The following ZNF704 variants were observed in gnomAD, a reference collection of about 807,000 sequenced individuals.
The protein encoded by ZNF704 is zinc finger protein 704, also known as glucocorticoid induced gene 1.
Under a neutral mutation model 44.7 loss-of-function variants are expected in ZNF704, and 10 were observed. The observed-to-expected ratio is 0.22, with a 90% CI of 0.14 to 0.38. The LOEUF (loss-of-function observed/expected upper bound fraction) is 0.38, where lower values mean the gene tolerates loss of function less well. Among genes scored for constraint, ZNF704 ranks in the 10% least tolerant of loss-of-function variants. The pLI is 1.00. For missense variants in ZNF704, 390 were observed against 545.5 expected, an observed-to-expected ratio of 0.71 and a Z score of 2.84; for synonymous variants, 211 against 207.6, an observed-to-expected ratio of 1.02 and a Z score of -0.14.
At chr8:80,861,991 CTTTTTTTTTTTT>C (rs71266093) in intron 1 of ZNF704, among the ~76,000 whole-genome samples, 25 of 92,994 alleles carry the variant, frequency 2.7e-4, no homozygotes, top group Admixed American at 3.5e-4. Context: ...AAAAAATAAC[CTTTTTTTTTTTT>C]TTTTTTTTTT....
Position 80,822,357 on chromosome 8 carries a change from T to C in ZNF704, c.-21-742A>G, listed in dbSNP as rs774366750. Among the ~76,000 whole-genome samples the C allele has an allele frequency of 3.3e-5, 5 of 149,794 alleles. No homozygotes were observed. In the Admixed American group the frequency reaches 3.4e-4, roughly 10 times the overall value. The stretch of plus-strand genomic sequence containing the variant: ...TCATTGTTTAATTCGCACCTATGAG[T>C]GAGAACATGTGATGAACTCATCCTT... On this transcript the variant is annotated intron_variant, in intron 1 of 8. Transcript: ENST00000327835.
Position 80,872,929 on chromosome 8 carries a change from C to CG in ZNF704, c.-22+1641dup, listed in dbSNP as rs1246568390. ...GATGTCGAGTGGAAACACGGGAGGG[C>CG]GAGGGTCAATGCCAAAAACTGCTAG... is the stretch of plus-strand genomic sequence containing the variant. On this transcript the variant is annotated intron_variant, in intron 1 of 8. Transcript: ENST00000327835. Among the ~76,000 whole-genome samples, 5 of 151,944 alleles carry CG rather than the reference C, an allele frequency of 3.3e-5. No homozygotes were observed. In the East Asian group the frequency reaches 9.6e-4, roughly 29 times the overall value.
intron 1 of ZNF704, among the ~76,000 whole-genome samples, chr8:80,853,351 G>A (rs1281010817): frequency 6.6e-6 from 1 of 152,218 alleles, no homozygotes; most frequent in African/African-American, 2.4e-5. Flanking sequence ...CTGGGCTACA[G>A]AGCAAGATAC....
intron 2 of ZNF704, among the ~76,000 whole-genome samples, chr8:80,778,398 A>G (rs1807451140): frequency 6.6e-6 from 1 of 152,214 alleles, no homozygotes; most frequent in African/African-American, 2.4e-5. Flanking sequence ...CACTTAATAC[A>G]TTGTTGGTGA....
chr8:80,664,704 T>C (rs1818161044), intron 6 of ZNF704, 111 bp downstream of exon 6: 1 of 1,317,724 alleles, frequency 7.6e-7, no homozygotes, highest in Non-Finnish European at 1.1e-6. Flanking sequence ...GCTACCGGGC[T>C]GCCGTGTGTG....
At chr8:80,823,505 C>G (rs959616586) in intron 1 of ZNF704, among the ~76,000 whole-genome samples, 4 of 152,250 alleles carry the variant, frequency 2.6e-5, no homozygotes, top group Admixed American at 2.6e-4. Context: ...TAGGGCACAG[C>G]TGAACAAAAG....
Position 80,631,356 on chromosome 8 carries a change from C to T in ZNF704, c.*10010G>A, listed in dbSNP as rs746488373. On this transcript the variant is annotated 3_prime_UTR_variant, in exon 9 of 9. Transcript: ENST00000327835. ...AAGGGGGCTCCAGTGGAGTGAGGGACAAGTGCTTAACAACATGAGTGGACT... is the reference window on the plus strand; with the variant it reads ...AAGGGGGCTCCAGTGGAGTGAGGGATAAGTGCTTAACAACATGAGTGGACT... The T allele has an allele frequency of 2.0e-5, 3 of 152,138 alleles. No homozygotes were observed. The highest frequency in any genetic ancestry group is 2.9e-5 in the Non-Finnish European group (2 of 68,032). The allele number at this position is 152,138 out of a possible 1,614,324, so 9.4% of individuals were successfully genotyped here. A position where few individuals can be genotyped will look rare whatever the true frequency, so the allele number is the denominator to read the frequency against.
chr8:80,668,022 G>A (rs1818222532), intron 5 of ZNF704, among the ~76,000 whole-genome samples: 1 of 152,202 alleles, frequency 6.6e-6, no homozygotes, highest in South Asian at 2.1e-4. Flanking sequence ...CCATCACCAG[G>A]AAAAGTAGCT....
chr8:80,875,246 G>C (rs992060433), upstream of ZNF704, among the ~76,000 whole-genome samples: 4 of 151,684 alleles, frequency 2.6e-5, no homozygotes, highest in African/African-American at 9.7e-5. Flanking sequence ...CTATTGCGTG[G>C]GGTTAGGCTA....
chr8:80,751,261 G>A (rs760746405), intron 2 of ZNF704, among the ~76,000 whole-genome samples: 3 of 152,186 alleles, frequency 2.0e-5, no homozygotes, highest in East Asian at 1.9e-4. Flanking sequence ...CTGGGCCAGC[G>A]TGCTGGTTCT....
Position 80,640,174 on chromosome 8 carries a change from C to T in ZNF704, c.*1192G>A, listed in dbSNP as rs148422583. On this transcript the variant is annotated 3_prime_UTR_variant, in exon 9 of 9. Transcript: ENST00000327835. ...AGCTCCAATATTTTTATAAGAAAAACTTAAAGTTTGGACCTTCCATTTACT... is the reference window on the plus strand; with the variant it reads ...AGCTCCAATATTTTTATAAGAAAAATTTAAAGTTTGGACCTTCCATTTACT... 26 of 152,708 alleles carry T rather than the reference C, an allele frequency of 1.7e-4. No individual in the cohort carries two copies. Among genetic ancestry groups the T allele is most frequent in the African/African-American group, 6.0e-4 (25 of 41,558 alleles). The allele number at this position is 152,708 out of a possible 1,614,324, so 9.5% of individuals were successfully genotyped here. A position where few individuals can be genotyped will look rare whatever the true frequency, so the allele number is the denominator to read the frequency against.
intron 1 of ZNF704, among the ~76,000 whole-genome samples, chr8:80,833,613 C>G (rs889529318): frequency 6.6e-6 from 1 of 152,110 alleles, no homozygotes; most frequent in East Asian, 1.9e-4. Flanking sequence ...TTCCCTTAGC[C>G]CTCTGAAACC....
At chr8:80,759,018 T>G (rs1807084298) in intron 2 of ZNF704, among the ~76,000 whole-genome samples, 1 of 152,216 alleles carries the variant, frequency 6.6e-6, no homozygotes, top group Non-Finnish European at 1.5e-5. Context: ...CCAAAGTTCA[T>G]GCTCTGAACT....
intron 2 of ZNF704, among the ~76,000 whole-genome samples, chr8:80,796,907 GGAAAGGGAAAGA>G (rs1157739186): frequency 6.2e-5 from 7 of 112,302 alleles, no homozygotes; most frequent in African/African-American, 2.1e-4. Context: ...AAAGAGAAAG[GGAAAGGGAAAGA>G]GAAAGGGAAG....
At chr8:80,801,430 T>C (rs746495861) in intron 2 of ZNF704, among the ~76,000 whole-genome samples, 1 of 152,078 alleles carries the variant, frequency 6.6e-6, no homozygotes, top group African/African-American at 2.4e-5. Context: ...AAAAACACTC[T>C]ACAGCAAATG....
At chr8:80,877,201 A>G (rs1348556543), upstream of ZNF704, among the ~76,000 whole-genome samples, 1 of 150,292 alleles carries the variant, frequency 6.7e-6, no homozygotes, top group Non-Finnish European at 1.5e-5. Flanking sequence ...AAAAAAAAAA[A>G]AAAAAAAAAA....
rs1817698106 is a variant in ZNF704, at chr8:80,638,738, G to C, written c.*2628C>G. ...CTAGTTATTCCACGCCTTGGTCCAG[G>C]GAATATGTGTCTGTGTCCAGGAAGG... On this transcript the variant is annotated 3_prime_UTR_variant, in exon 9 of 9. Transcript: ENST00000327835. The C allele has an allele frequency of 6.6e-6, 1 of 152,138 alleles. No individual in the cohort carries two copies. Among genetic ancestry groups the C allele is most frequent in the East Asian group, 1.9e-4 (1 of 5,190 alleles). The allele number at this position is 152,138 out of a possible 1,614,324, so 9.4% of individuals were successfully genotyped here. A position where few individuals can be genotyped will look rare whatever the true frequency, so the allele number is the denominator to read the frequency against.
chr8:80,651,175 A>T (rs113905735), intron 7 of ZNF704, among the ~76,000 whole-genome samples: 1 of 146,464 alleles, frequency 6.8e-6, no homozygotes, highest in Non-Finnish European at 1.5e-5. Flanking sequence ...AGTGCTAAAC[A>T]TGGAAAGGAA....
intron 2 of ZNF704, among the ~76,000 whole-genome samples, chr8:80,701,075 G>C (rs1475801772): frequency 2.0e-5 from 3 of 152,072 alleles, no homozygotes; most frequent in African/African-American, 7.2e-5. Flanking sequence ...CCCTTTACCA[G>C]CATCCCTGAA....
Sources: gnomAD v4.1 joint callset for allele counts (sites outside exome capture counted in the v4.1 genomes callset) on GRCh38, gnomAD v4.1.1 for gene constraint, MANE v1.5 for transcripts, NCBI Gene and HGNC (gene_info 2026-07-23, HGNC 2026-07-21) for gene names.